ZMAT4: variants seen among roughly 807,000 people sequenced by gnomAD.
ZMAT4 encodes the protein zinc finger matrin-type protein 4.
In ZMAT4, 17 loss-of-function variants were observed where a neutral mutation model predicts 28.7. The ratio of observed to expected loss-of-function variants is 0.59; its 90% confidence interval spans 0.41 to 0.89. The LOEUF (loss-of-function observed/expected upper bound fraction) is 0.89, where lower values mean the gene tolerates loss of function less well. Ranked by LOEUF, ZMAT4 falls within the 40% of genes least tolerant of loss-of-function variation. ZMAT4 has a pLI of 0.00. For synonymous variants in ZMAT4, 117 were observed against 109.2 expected (o/e 1.07, Z -0.44); for missense variants, 240 against 283.8 (o/e 0.85, Z 1.11).
chr8:40,842,932 T>C (rs944830676), intron 1 of ZMAT4, among the ~76,000 whole-genome samples: 1 of 152,172 alleles, frequency 6.6e-6, no homozygotes, highest in African/African-American at 2.4e-5. Context: ...CCCACCACCA[T>C]GCCTGGCTAA....
At chr8:40,709,359 C>T (rs931590049) in intron 3 of ZMAT4, among the ~76,000 whole-genome samples, 3 of 152,028 alleles carry the variant, frequency 2.0e-5, no homozygotes, top group Non-Finnish European at 1.5e-5. Flanking sequence ...GAAAGAGCCT[C>T]ATGTATACCC....
At chr8:40,719,603 G>A (rs377639976) in intron 3 of ZMAT4, among the ~76,000 whole-genome samples, 133 of 151,840 alleles carry the variant, frequency 8.8e-4, no homozygotes, top group African/African-American at 2.9e-3. Flanking sequence ...TTTTTGAGAC[G>A]GAGTCACCCA....
At chr8:40,812,911 C>T (rs545274320) in intron 2 of ZMAT4, among the ~76,000 whole-genome samples, 11 of 147,092 alleles carry the variant, frequency 7.5e-5, no homozygotes, top group East Asian at 5.9e-4. Flanking sequence ...CCAGCCTGGG[C>T]GACAAGAGCA....
intron 6 of ZMAT4, among the ~76,000 whole-genome samples, chr8:40,542,350 A>T (rs1803063103): frequency 6.6e-6 from 1 of 152,096 alleles, no homozygotes; most frequent in African/African-American, 2.4e-5. Flanking sequence ...CAGTAATATG[A>T]TCATCCGATT....
intron 4 of ZMAT4, among the ~76,000 whole-genome samples, chr8:40,685,018 G>A (rs1324760151): frequency 6.6e-6 from 1 of 152,208 alleles, no homozygotes; most frequent in East Asian, 1.9e-4. Flanking sequence ...ATGAAAATTG[G>A]CTGCGTTTTG....
intron 6 of ZMAT4, among the ~76,000 whole-genome samples, chr8:40,557,868 T>C (rs550125786): frequency 6.6e-6 from 1 of 152,082 alleles, no homozygotes; most frequent in Non-Finnish European, 1.5e-5. Flanking sequence ...GATGGATGGA[T>C]AGACTGATTG....
intron 1 of ZMAT4, among the ~76,000 whole-genome samples, chr8:40,882,138 C>T (rs4736883): frequency 0.77 from 117,247 of 152,062 alleles, 45,332 homozygotes; most frequent in Admixed American, 0.81. Flanking sequence ...GCCTTGTGGC[C>T]GCCTCGGAGC....
chr8:40,640,818 G>T (rs184062418), intron 5 of ZMAT4, among the ~76,000 whole-genome samples: 15 of 152,014 alleles, frequency 9.9e-5, no homozygotes, highest in Admixed American at 7.9e-4. Context: ...AAATTAGCGG[G>T]CATGGTGGTG....
intron 3 of ZMAT4, among the ~76,000 whole-genome samples, chr8:40,698,850 G>A (rs372480462): frequency 1.1e-3 from 164 of 152,178 alleles, no homozygotes; most frequent in African/African-American, 3.7e-3. Context: ...GGGCTGGGAT[G>A]GAGGTTGTCA....
chr8:40,806,029 G>GA (rs1344140507), intron 2 of ZMAT4, among the ~76,000 whole-genome samples: 3 of 151,908 alleles, frequency 2.0e-5, no homozygotes, highest in African/African-American at 4.8e-5. Flanking sequence ...TCTTATTCTA[G>GA]AAAAAATATA....
rs114950253 is a variant in ZMAT4, at chr8:40,840,455, G to T, written c.-4-14775C>A. Among the ~76,000 whole-genome samples the T allele has an allele frequency of 9.9e-3, 1,504 of 152,180 alleles. 25 individuals carry two copies. The highest frequency in any genetic ancestry group is 0.034 in the African/African-American group (1,429 of 41,504). ...ATCCCTCCCAAGAGCCACCCGGTAG[G>T]CACCCTGAGCACTAAACTCTGCAAA... On this transcript the variant is annotated intron_variant, in intron 1 of 6. Coordinates refer to ENST00000297737, the MANE Select transcript of ZMAT4 (RefSeq NM_024645.3).
chr8:40,841,596 C>T (rs918393449), intron 1 of ZMAT4, among the ~76,000 whole-genome samples: 3 of 152,142 alleles, frequency 2.0e-5, no homozygotes, highest in Non-Finnish European at 4.4e-5. Context: ...CGACAGGTGT[C>T]GTACACCCCT....
intron 6 of ZMAT4, among the ~76,000 whole-genome samples, chr8:40,533,323 TGAC>T (rs1802751323): frequency 6.6e-6 from 1 of 152,172 alleles, no homozygotes; most frequent in African/African-American, 2.4e-5. Context: ...GAGAGCTTGT[TGAC>T]ATCTTCTGCC....
chr8:40,699,336 G>C (rs190225917), intron 3 of ZMAT4, among the ~76,000 whole-genome samples: 1 of 152,128 alleles, frequency 6.6e-6, no homozygotes, highest in African/African-American at 2.4e-5. Flanking sequence ...GTACATTTGA[G>C]GGATACAAGT....
chr8:40,783,747 A>C, intron 2 of ZMAT4, among the ~76,000 whole-genome samples: 1 of 152,196 alleles, frequency 6.6e-6, no homozygotes, highest in East Asian at 1.9e-4. Context: ...ACAGTGGCTC[A>C]CGCTTGTAAT....
In ZMAT4 at chr8:40,863,445, A is replaced by G. The variant is rs77106672; in HGVS notation, c.-5+34238T>C. Among the ~76,000 whole-genome samples the G allele has an allele frequency of 3.5e-3, 528 of 152,296 alleles. 4 individuals carry two copies. The highest frequency in any genetic ancestry group is 0.012 in the African/African-American group (508 of 41,570). The stretch of plus-strand genomic sequence containing the variant: ...ATCCTTTGATGAGGTAGCTAAAGGG[A>G]GAAGGAGAATCAAGAACTACCCTCT... On this transcript the variant is annotated intron_variant, in intron 1 of 6. Coordinates refer to ENST00000297737, the MANE Select transcript of ZMAT4 (RefSeq NM_024645.3).
chr8:40,749,139 C>T (rs1218451542), intron 3 of ZMAT4, among the ~76,000 whole-genome samples: 1 of 152,072 alleles, frequency 6.6e-6, no homozygotes, highest in Non-Finnish European at 1.5e-5. Context: ...GTCCATTAAA[C>T]CTCTTCCCTT....
chr8:40,625,608 T>C (rs1806346064), intron 5 of ZMAT4, among the ~76,000 whole-genome samples: 1 of 152,082 alleles, frequency 6.6e-6, no homozygotes, highest in Non-Finnish European at 1.5e-5. Flanking sequence ...GCAAAAGTAA[T>C]TGTGCGGATG....
rs2118660823 is a variant in ZMAT4, at chr8:40,612,629, CAT to C, written c.578-31370_578-31369del. ...CGGTTTTCCTGCTAAGTTCCAGACTCATATATCCAACGAATACCTGATATCTT... is the reference window on the plus strand; with the variant it reads ...CGGTTTTCCTGCTAAGTTCCAGACTCATATCCAACGAATACCTGATATCTT... On this transcript the variant is annotated intron_variant, in intron 5 of 6. Transcript: ENST00000297737. 1.5e-5 allele frequency among the ~76,000 whole-genome samples: 2 copies of C among 137,104 alleles called. 1 individual carries two copies. The highest frequency in any genetic ancestry group is 4.6e-4 in the South Asian group (2 of 4,332). The allele number at this position is 137,104 out of a possible 152,430, so 89.9% of individuals were successfully genotyped here.
Sources: allele counts gnomAD v4.1 joint callset (sites outside exome capture counted in the v4.1 genomes callset), GRCh38; gene constraint gnomAD v4.1.1; transcripts MANE v1.5; gene names NCBI Gene and HGNC (gene_info 2026-07-23, HGNC 2026-07-21).